The following CDC42BPG variants were observed in gnomAD, a reference collection of about 807,000 sequenced individuals.
CDC42BPG encodes the protein CDC42 binding protein kinase gamma.
A neutral mutation model predicts 192.2 loss-of-function variants in CDC42BPG; 157 were observed. The ratio of observed to expected loss-of-function variants is 0.82; its 90% CI spans 0.72 to 0.93. The LOEUF (loss-of-function observed/expected upper bound fraction) is 0.93, where lower values mean the gene tolerates loss of function less well. Ranked by LOEUF, CDC42BPG falls within the 40% of genes least tolerant of loss-of-function variation. The pLI, the probability that CDC42BPG is intolerant of heterozygous loss-of-function variation, is 0.00. For missense variants in CDC42BPG, 1,992 were observed against 2,122.1 expected (o/e 0.94, Z 1.20); for synonymous variants, 981 against 918.5 (o/e 1.07, Z -1.23).
intron 5 of CDC42BPG, 94 bp downstream of exon 5, chr11:64,840,026 T>A: frequency 7.9e-7 from 1 of 1,259,112 alleles, no homozygotes; most frequent in South Asian, 1.4e-5. Flanking sequence ...TGGCACATGA[T>A]GAGTGCTCAG....
At chr11:64,836,390 C>CCTCACCCAT in intron 12 of CDC42BPG, 37 bp downstream of exon 12, 1 of 1,192,540 alleles carries the variant, frequency 8.4e-7, no homozygotes, top group Non-Finnish European at 1.2e-6. Context: ...ACCTCACCCA[C>CCTCACCCAT]CTCACCCAGC....
Position 64,835,757 on chromosome 11 carries a change from A to C in CDC42BPG, c.1758+5T>G. 6.2e-7 allele frequency: 1 copy of C among 1,613,368 alleles called. No individual in the cohort carries two copies. The highest frequency in any genetic ancestry group is 8.5e-7 in the Non-Finnish European group (1 of 1,179,866). Reference sequence around the variant, plus strand: ...ACCTCTTGCCAAGGGGGAGGACTTGACTACCTTGGCCTGGGACGACTCCTC... The same window carrying C: ...ACCTCTTGCCAAGGGGGAGGACTTGCCTACCTTGGCCTGGGACGACTCCTC... On this transcript the variant is annotated splice_donor_5th_base_variant and intron_variant, in intron 14 of 36. Transcript: ENST00000342711.
intron 28 of CDC42BPG, 53 bp from the exon 29 acceptor site, chr11:64,830,309 G>C (rs1942627019): frequency 1.2e-5 from 18 of 1,451,196 alleles, no homozygotes; most frequent in Non-Finnish European, 1.5e-5. Flanking sequence ...CAATGACACG[G>C]AGATTGGGCA....
chr11:64,826,384 G>A (rs1942415932), intron 36 of CDC42BPG, 86 bp downstream of exon 36: 1 of 921,436 alleles, frequency 1.1e-6, no homozygotes, highest in African/African-American at 1.6e-5. Context: ...TTGTTCCCTA[G>A]CCTAGGTCAC....
chr11:64,832,118 G>A (rs756980776), intron 27 of CDC42BPG, among the ~76,000 whole-genome samples: 5 of 152,216 alleles, frequency 3.3e-5, no homozygotes, highest in Non-Finnish European at 5.9e-5. Context: ...GGCACAGGGC[G>A]CCTTCAGAAC....
Position 64,833,262 on chromosome 11 carries a change from C to T in CDC42BPG, c.2700G>A (p.Leu900=). The T allele has an allele frequency of 1.9e-6, 3 of 1,549,266 alleles. No homozygotes were observed. Among genetic ancestry groups the T allele is most frequent in the Non-Finnish European group, 2.6e-6 (3 of 1,146,782 alleles). ...TKCLRCTSLM[L]GLGRQGLGCD... ...AACCCAGGCCCTGGCGGCCCAGGCC[C>T]AGCATCAGCGAGGTGCAGCGGAGAC... Residue 900 remains leucine, a synonymous_variant, in exon 24 of 37, where the codon CTG becomes CTA. Coordinates refer to ENST00000342711, the MANE Select transcript of CDC42BPG (RefSeq NM_017525.3).
At chr11:64,832,989 G>T in intron 24 of CDC42BPG, 30 bp from the exon 25 acceptor site, 8 of 1,505,736 alleles carry the variant, frequency 5.3e-6, no homozygotes, top group Non-Finnish European at 7.1e-6. Flanking sequence ...GGTGGATGAG[G>T]TGAGGCTGGG....
rs1371207928 is a variant in CDC42BPG, at chr11:64,835,778, T to G, written c.1742A>C (p.Glu581Ala). 1.9e-6 allele frequency: 3 copies of G among 1,613,428 alleles called. No individual in the cohort carries two copies. The South Asian group carries it at 3.3e-5, about 18-fold the overall frequency. The change falls in exon 14 of 37, where the codon GAG (glutamate) becomes GCG (alanine). Residue 581 changes from glutamate to alanine, a missense_variant. Transcript: ENST00000342711. ...LQGQWEQRLE[E>A]SSQAKTIHTA... is the part of the protein sequence containing the mutation. ...CTTGACTACCTTGGCCTGGGACGAC[T>G]CCTCAAGGCGTTGCTCCCACTGTCC... is the stretch of plus-strand genomic sequence containing the variant.
rs772419346 is a variant in CDC42BPG, at chr11:64,832,421, C to G, written c.3087+7G>C. 1 of 1,613,056 alleles carries G rather than the reference C, an allele frequency of 6.2e-7. No homozygotes were observed. The highest frequency in any genetic ancestry group is 8.5e-7 in the Non-Finnish European group (1 of 1,179,538). ...GGTGGCTGCTCCATCTCATCCCAGGCACTCACCCTAAAGATGCGTGGCAGG... is the reference window on the plus strand; with the variant it reads ...GGTGGCTGCTCCATCTCATCCCAGGGACTCACCCTAAAGATGCGTGGCAGG... On this transcript the variant is annotated splice_region_variant and intron_variant, in intron 27 of 36. Transcript: ENST00000342711.
chr11:64,835,396 A>G lies in CDC42BPG; in HGVS notation c.1904T>C (p.Leu635Pro). ...CCGGTTTTCCTCCTGCAGCTGGCACAGAGCCTCCTCCTTACCACTCGGCCT... is the reference window on the plus strand; with the variant it reads ...CCGGTTTTCCTCCTGCAGCTGGCACGGAGCCTCCTCCTTACCACTCGGCCT... The part of the protein sequence containing the change: ...SHRPSGKEEA[L>P]CQLQEENRRL... Residue 635 changes from leucine (L) to proline (P), a missense_variant, in exon 16 of 37, where the codon CTG (leucine) becomes CCG (proline). Transcript: ENST00000342711. 1 of 1,613,842 alleles carries G rather than the reference A, an allele frequency of 6.2e-7. No individual in the cohort carries two copies. Among genetic ancestry groups the G allele is most frequent in the Non-Finnish European group, 8.5e-7 (1 of 1,180,006 alleles).
intron 1 of CDC42BPG, among the ~76,000 whole-genome samples, chr11:64,843,250 C>A (rs1458543091): frequency 6.6e-6 from 1 of 152,004 alleles, no homozygotes; most frequent in Non-Finnish European, 1.5e-5. Context: ...CAACAGAGGG[C>A]CCCCATGCCG....
Position 64,836,987 on chromosome 11 carries a change from G to A in CDC42BPG, c.1238C>T (p.Ala413Val), listed in dbSNP as rs111275570. ...HSPESSSEAW[A>V]ALERKLQCLE... ...ACACTGGAGCTTCCGCTCCAGGGCA[G>A]CCCAAGCCTCAGAGCTGCTCTCAGG... The change falls in exon 10 of 37, where the codon GCT becomes GTT. Residue 413 changes from alanine (A) to valine (V), a missense_variant. By Grantham distance (64) the Ala-to-Val change is moderately conservative. This residue lies in a region of CDC42BPG where 1,656 missense variants were observed against 1,844.3 expected (regional missense o/e 0.90). Coordinates refer to ENST00000342711, the MANE Select transcript of CDC42BPG (RefSeq NM_017525.3). The A allele has an allele frequency of 3.1e-6, 5 of 1,613,572 alleles. No homozygotes were observed. The South Asian group carries it at 3.3e-5, about 11-fold the overall frequency.
At chr11:64,836,375 C>T in intron 12 of CDC42BPG, 52 bp downstream of exon 12, 1 of 1,603,090 alleles carries the variant, frequency 6.2e-7, no homozygotes, top group East Asian at 2.2e-5. Context: ...CAGGGCCACT[C>T]ACCCACCTCA....
chr11:64,832,222 G>A (rs1942727933), intron 27 of CDC42BPG, among the ~76,000 whole-genome samples: 1 of 152,250 alleles, frequency 6.6e-6, no homozygotes, highest in Non-Finnish European at 1.5e-5. Context: ...TCAAGGGCTA[G>A]GTCAGGAGCA....
Position 64,838,687 on chromosome 11 carries a change from G to A in CDC42BPG, c.1092C>T (p.Asn364=). The change falls in exon 8 of 37, where the codon AAC becomes AAT. Residue 364 remains asparagine (N), a synonymous_variant. Transcript: ENST00000342711. Reference sequence around the variant, plus strand: ...TGAGGGTGTCGTCATCCACATCAAAGTTGGAGGTGTCCATGGGCCCCCGCA... The same window carrying A: ...TGAGGGTGTCGTCATCCACATCAAAATTGGAGGTGTCCATGGGCCCCCGCA... ...PELRGPMDTS[N]FDVDDDTLNH... The A allele has an allele frequency of 6.2e-7, 1 of 1,613,212 alleles. No homozygotes were observed. Among genetic ancestry groups the A allele is most frequent in the Non-Finnish European group, 8.5e-7 (1 of 1,179,996 alleles).
chr11:64,827,243 C>T, intron 33 of CDC42BPG, 35 bp downstream of exon 33: 2 of 1,613,120 alleles, frequency 1.2e-6, no homozygotes, highest in Non-Finnish European at 1.7e-6. Flanking sequence ...GAGGCGGCCC[C>T]ACCCAGCCTC....
chr11:64,840,116 C>T lies in CDC42BPG; in HGVS notation c.581+4G>A. The T allele has an allele frequency of 1.2e-6, 2 of 1,610,664 alleles. No individual in the cohort carries two copies. Among genetic ancestry groups the T allele is most frequent in the Non-Finnish European group, 1.7e-6 (2 of 1,178,746 alleles). ...TGGGCAGGGCAGCGGGGTTGGGGCC[C>T]CACCTGTGGACATAACCCAGCTGGT... On this transcript the variant is annotated splice_donor_region_variant and intron_variant, in intron 5 of 36. Coordinates refer to ENST00000342711, the MANE Select transcript of CDC42BPG (RefSeq NM_017525.3).
chr11:64,827,275 C>A lies in CDC42BPG; in HGVS notation c.4271+3G>T. On this transcript the variant is annotated splice_donor_region_variant and intron_variant, in intron 33 of 36. Coordinates refer to ENST00000342711, the MANE Select transcript of CDC42BPG (RefSeq NM_017525.3). The stretch of plus-strand genomic sequence containing the variant: ...CCTCAGCCCCCGCGTCGTGCACGCG[C>A]ACCTGCGCTGCTGCTTCTGCTGCTC... The A allele has an allele frequency of 1.2e-6, 2 of 1,613,572 alleles. No individual in the cohort carries two copies. Among genetic ancestry groups the A allele is most frequent in the South Asian group, 1.1e-5 (1 of 90,964 alleles).
rs1213801412 is a variant in CDC42BPG, at chr11:64,844,476, G to C, written c.94C>G (p.Leu32Val). ...GGGCCGCTGCTGAGCTCGTGGTGCAGCGCCAGCAGCAGATCTAGGAGGCCG... is the reference window on the plus strand; with the variant it reads ...GGGCCGCTGCTGAGCTCGTGGTGCACCGCCAGCAGCAGATCTAGGAGGCCG... ...LDGLLDLLLALHHELSSGPLR... is the reference protein window; with the variant it reads ...LDGLLDLLLAVHHELSSGPLR... Residue 32 changes from leucine to valine, a missense_variant, in exon 1 of 37, where the codon CTG (leucine) becomes GTG (valine). Leu to Val is a conservative substitution (Grantham distance 32, BLOSUM62 1). Transcript: ENST00000342711. 58 of 1,446,564 alleles carry C rather than the reference G, an allele frequency of 4.0e-5. No homozygotes were observed. Among genetic ancestry groups the C allele is most frequent in the Non-Finnish European group, 4.8e-5 (53 of 1,104,016 alleles). The allele number at this position is 1,446,564 out of a possible 1,614,324, so 89.6% of individuals were successfully genotyped here. A position where few individuals can be genotyped will look rare whatever the true frequency, so the allele number is the denominator to read the frequency against.
Sources: allele counts gnomAD v4.1 joint callset (sites outside exome capture counted in the v4.1 genomes callset), GRCh38; gene constraint gnomAD v4.1.1; regional missense constraint gnomAD v4.1.1; transcripts MANE v1.5; gene names NCBI Gene and HGNC (gene_info 2026-07-23, HGNC 2026-07-21).